Variants in COPE observed in about 807,000 individuals in gnomAD.
COPE encodes the protein coat protein complex I subunit epsilon.
COPE carries 19 observed loss-of-function variants against 42.1 expected under a neutral mutation model. The observed-to-expected ratio is 0.45, with a 90% CI of 0.31 to 0.66. The LOEUF (loss-of-function observed/expected upper bound fraction) is 0.66, where lower values mean the gene tolerates loss of function less well. Ranked by LOEUF, COPE falls within the 30% of genes least tolerant of loss-of-function variation. COPE has a pLI of 0.05. For synonymous variants in COPE, 195 were observed against 181.3 expected (o/e 1.08, Z -0.60); for missense variants, 402 against 416.1 (o/e 0.97, Z 0.30).
intron 2 of COPE, among the ~76,000 whole-genome samples, chr19:18,911,555 ATTT>A (rs72129364): frequency 7.2e-6 from 1 of 139,734 alleles, no homozygotes; most frequent in African/African-American, 2.6e-5. Flanking sequence ...TTCCTTCCCC[ATTT>A]TTTTTTTTTT....
intron 4 of COPE, 39 bp downstream of exon 4, chr19:18,906,921 G>T: frequency 6.5e-7 from 1 of 1,527,936 alleles, no homozygotes. Flanking sequence ...GGGGGCACTT[G>T]CCTCCCTGGG....
At position 18,911,245 on chromosome 19, in the gene COPE, C is replaced by T. The variant is rs1396857739; in HGVS notation, c.190-174G>A. 71 of 619,270 alleles carry T rather than the reference C, an allele frequency of 1.1e-4. 1 individual carries two copies. Among genetic ancestry groups the T allele is most frequent in the African/African-American group, 5.5e-5 (3 of 54,720 alleles). The allele number at this position is 619,270 out of a possible 1,614,324, so 38.4% of individuals were successfully genotyped here. A position where few individuals can be genotyped will look rare whatever the true frequency, so the allele number is the denominator to read the frequency against. ...TGGAGGGTGGCATGGCGTCACCTGT[C>T]GTGAGCAGCCAGGTGTGCCCTCATC... On this transcript the variant is annotated intron_variant, in intron 2 of 9. Transcript: ENST00000262812.
At position 18,904,798 on chromosome 19, in the gene COPE, G is replaced by C; in HGVS notation, c.552C>G (p.Leu184=). The C allele has an allele frequency of 6.4e-7, 1 of 1,554,668 alleles. No individual in the cohort carries two copies. The highest frequency in any genetic ancestry group is 8.7e-7 in the Non-Finnish European group (1 of 1,148,756). The part of the protein sequence containing the change: ...DLDEDATLTQ[L]ATAWVSLATG... ...TGGCCAGGCTGACCCAGGCAGTGGC[G>C]AGCTGGGTGAGGGTGGCATCCTCGT... The change falls in exon 6 of 10, where the codon CTC becomes CTG. Residue 184 remains leucine (L), a synonymous_variant. Coordinates refer to ENST00000262812, the MANE Select transcript of COPE (RefSeq NM_007263.4).
intron 6 of COPE, 105 bp from the exon 7 acceptor site, chr19:18,903,528 A>C: frequency 7.5e-7 from 1 of 1,324,828 alleles, no homozygotes; most frequent in Non-Finnish European, 1.0e-6. Context: ...ACAGAGACGA[A>C]TCTGGTGTGC....
intron 2 of COPE, among the ~76,000 whole-genome samples, chr19:18,912,778 C>T (rs1260844317): frequency 6.6e-6 from 1 of 151,984 alleles, no homozygotes; most frequent in Non-Finnish European, 1.5e-5. Flanking sequence ...GTGACCCAGG[C>T]CCCCTGGCCT....
At chr19:18,901,380 G>A (rs913863954) in intron 7 of COPE, among the ~76,000 whole-genome samples, 24 of 152,176 alleles carry the variant, frequency 1.6e-4, no homozygotes, top group Middle Eastern at 3.2e-3. Flanking sequence ...GGAGGAGGGC[G>A]CCAGTCTTGC....
intron 2 of COPE, chr19:18,911,395 T>C (rs10403594): frequency 0.1 from 34,766 of 344,806 alleles, 2,346 homozygotes; most frequent in African/African-American, 0.23. Context: ...GCAGCAGCAG[T>C]TATGGGGGTT....
intron 1 of COPE, among the ~76,000 whole-genome samples, chr19:18,916,077 C>T (rs1303767039): frequency 6.6e-6 from 1 of 151,914 alleles, no homozygotes; most frequent in Non-Finnish European, 1.5e-5. Context: ...CCCACCTACT[C>T]GGGAGGCTGA....
intron 3 of COPE, among the ~76,000 whole-genome samples, chr19:18,907,694 G>T (rs1234104622): frequency 6.6e-6 from 1 of 152,224 alleles, no homozygotes; most frequent in Non-Finnish European, 1.5e-5. Flanking sequence ...ATGCCTCCAT[G>T]TCCCTAACTG....
Position 18,904,112 on chromosome 19 carries a change from C to T in COPE, c.579+659G>A, listed in dbSNP as rs1006062618. 1.5e-4 allele frequency among the ~76,000 whole-genome samples: 23 copies of T among 152,236 alleles called. 1 individual carries two copies. ...TCCTGAGTAGCTGGGTTTACAGGTG[C>T]ATGGCACCAAGCCCAGCTAATTTTG... On this transcript the variant is annotated intron_variant, in intron 6 of 9. Coordinates refer to ENST00000262812, the MANE Select transcript of COPE (RefSeq NM_007263.4).
chr19:18,916,049 G>C (rs1027304949), intron 1 of COPE, among the ~76,000 whole-genome samples: 1 of 152,196 alleles, frequency 6.6e-6, no homozygotes, highest in Admixed American at 6.5e-5. Flanking sequence ...GCCAGGTGTG[G>C]TGGCGCACGC....
rs115146594 is a variant in COPE, at chr19:18,904,736, C to T, written c.579+35G>A. Reference sequence around the variant, plus strand: ...CACAGACCCTGCTCAGCCAGGTGCCCGCAATGCCCACCCACCTCATGGCCT... The same window carrying T: ...CACAGACCCTGCTCAGCCAGGTGCCTGCAATGCCCACCCACCTCATGGCCT... On this transcript the variant is annotated intron_variant, in intron 6 of 9. Transcript: ENST00000262812. The T allele has an allele frequency of 2.6e-3, 4,008 of 1,541,054 alleles. 89 individuals carry two copies. In the African/African-American group the frequency reaches 0.048, roughly 19 times the overall value.
chr19:18,910,811 G>A (rs1010824133), intron 3 of COPE, 160 bp downstream of exon 3: 6 of 648,648 alleles, frequency 9.3e-6, no homozygotes, highest in African/African-American at 3.6e-5. Flanking sequence ...TGCAGGTGAG[G>A]GAAACTGAGG....
intron 7 of COPE, 46 bp from the exon 8 acceptor site, chr19:18,900,495 C>G (rs1171544778): frequency 4.1e-6 from 6 of 1,458,506 alleles, no homozygotes; most frequent in Admixed American, 2.0e-5. Context: ...GCCACTCCAG[C>G]CCCCATGCCT....
intron 1 of COPE, among the ~76,000 whole-genome samples, chr19:18,918,006 T>C (rs1178382138): frequency 2.0e-5 from 3 of 151,212 alleles, no homozygotes; most frequent in Admixed American, 6.6e-5. Flanking sequence ...CTGGCCAACA[T>C]GGTGAAACCC....
At chr19:18,906,411 C>T (rs528578877) in intron 4 of COPE, among the ~76,000 whole-genome samples, 2 of 152,362 alleles carry the variant, frequency 1.3e-5, no homozygotes, top group Non-Finnish European at 2.9e-5. Context: ...AGATCCACAG[C>T]GACCATGAAA....
chr19:18,908,775 C>T (rs1037657806), intron 3 of COPE, among the ~76,000 whole-genome samples: 2 of 151,952 alleles, frequency 1.3e-5, no homozygotes, highest in Non-Finnish European at 2.9e-5. Flanking sequence ...CCTCGGCCTC[C>T]CAAAGTGCTG....
At chr19:18,912,074 T>A (rs1009821019) in intron 2 of COPE, among the ~76,000 whole-genome samples, 2 of 152,076 alleles carry the variant, frequency 1.3e-5, no homozygotes, top group South Asian at 2.1e-4. Flanking sequence ...CTCGAACTCC[T>A]GACCTCAGGT....
intron 1 of COPE, among the ~76,000 whole-genome samples, chr19:18,915,475 A>AG (rs1189003990): frequency 6.6e-6 from 1 of 152,200 alleles, no homozygotes; most frequent in African/African-American, 2.4e-5. Flanking sequence ...CTCGACTTCC[A>AG]GGGACGATCC....
Sources: allele counts gnomAD v4.1 joint callset (sites outside exome capture counted in the v4.1 genomes callset), GRCh38; gene constraint gnomAD v4.1.1; transcripts MANE v1.5; gene names NCBI Gene and HGNC (gene_info 2026-07-23, HGNC 2026-07-21).